The following TGFBR3 variants were observed in gnomAD, a reference collection of about 807,000 sequenced individuals.
The protein encoded by TGFBR3 is transforming growth factor beta receptor type 3.
A neutral mutation model predicts 87.9 loss-of-function variants in TGFBR3; 46 were observed. The observed-to-expected ratio is 0.52, with a 90% CI of 0.41 to 0.67. TGFBR3 has a LOEUF of 0.67. Ranked by LOEUF, TGFBR3 falls within the 30% of genes least tolerant of loss-of-function variation. The pLI, the probability that TGFBR3 is intolerant of heterozygous loss-of-function variation, is 0.00. For missense variants in TGFBR3, 866 were observed against 1,041.9 expected (o/e 0.83, Z 2.32); for synonymous variants, 381 against 391.6 (o/e 0.97, Z 0.32).
At chr1:91,869,645 C>T (rs1421009418) in intron 1 of TGFBR3, among the ~76,000 whole-genome samples, 1 of 152,186 alleles carries the variant, frequency 6.6e-6, no homozygotes, top group Non-Finnish European at 1.5e-5. Context: ...GCCTAGGCAA[C>T]AGAGCGAGAC....
At chr1:91,703,948 T>C (rs963792687) in intron 14 of TGFBR3, among the ~76,000 whole-genome samples, 4 of 152,330 alleles carry the variant, frequency 2.6e-5, no homozygotes, top group Non-Finnish European at 5.9e-5. Context: ...CAGACATTTT[T>C]CCTAAAATCC....
intron 1 of TGFBR3, among the ~76,000 whole-genome samples, chr1:91,868,567 A>G (rs999588576): frequency 3.3e-5 from 5 of 152,272 alleles, no homozygotes; most frequent in South Asian, 2.1e-4. Context: ...ATGATTCCCA[A>G]TTAGCTGCAG....
At chr1:91,887,454 G>A (rs992909095), upstream of TGFBR3, among the ~76,000 whole-genome samples, 3 of 151,536 alleles carry the variant, frequency 2.0e-5, no homozygotes, top group East Asian at 3.9e-4. Flanking sequence ...TTGGCAGGGC[G>A]GGGGTCTCAC....
chr1:91,781,181 A>G (rs535511487), intron 3 of TGFBR3, among the ~76,000 whole-genome samples: 16 of 152,312 alleles, frequency 1.1e-4, no homozygotes, highest in African/African-American at 3.9e-4. Context: ...GTTTGTTGCC[A>G]CATGTAATAA....
At chr1:91,877,341 G>T (rs1198310422) in intron 1 of TGFBR3, among the ~76,000 whole-genome samples, 1 of 151,874 alleles carries the variant, frequency 6.6e-6, no homozygotes, top group Non-Finnish European at 1.5e-5. Flanking sequence ...TGTGTGGTGG[G>T]GGTAGGGACA....
chr1:91,695,672 C>T lies in TGFBR3; in HGVS notation c.2437G>A (p.Gly813Arg). ...GALWYIYSHT[G>R]ETAGRQQVPT... ...ACTCTTACTCAACAGTCACACTAAC[C>T]TGTGTGAGAATAGATGTACCACAAG... The change falls in exon 16 of 17, where the codon GGG (glycine) becomes AGG (arginine). Residue 813 changes from glycine to arginine, a missense_variant and splice_region_variant. Gly to Arg is a moderately radical substitution (Grantham distance 125). Coordinates refer to ENST00000212355, the MANE Select transcript of TGFBR3 (RefSeq NM_003243.5). 6.2e-7 allele frequency: 1 copy of T among 1,609,740 alleles called. No individual in the cohort carries two copies. Among genetic ancestry groups the T allele is most frequent in the African/African-American group, 1.3e-5 (1 of 74,964 alleles).
In TGFBR3 at chr1:91,765,946, C is replaced by T. The variant is rs181864884; in HGVS notation, c.247-7196G>A. On this transcript the variant is annotated intron_variant, in intron 3 of 16. Transcript: ENST00000212355. ...TCCCTGTCACATTTAATAAATACAT[C>T]CATTCAGATCACTTTTTGTTTTTAA... 1.3e-4 allele frequency among the ~76,000 whole-genome samples: 20 copies of T among 152,182 alleles called. No homozygotes were observed. The East Asian group carries it at 3.9e-3, about 29-fold the overall frequency.
chr1:91,734,993 G>T, intron 4 of TGFBR3, 34 bp from the exon 5 acceptor site: 1 of 1,610,208 alleles, frequency 6.2e-7, no homozygotes, highest in African/African-American at 1.3e-5. Flanking sequence ...TTAACATGGT[G>T]CAGTCACCGG....
chr1:91,687,544 A>G (rs1390181333), intron 16 of TGFBR3, among the ~76,000 whole-genome samples: 1 of 152,176 alleles, frequency 6.6e-6, no homozygotes. Flanking sequence ...TGTGAATAGC[A>G]TGGGAGGACT....
chr1:91,681,759 T>C lies in TGFBR3; in HGVS notation c.*1980A>G. The C allele has an allele frequency of 2.3e-6, 1 of 442,632 alleles. No homozygotes were observed. The highest frequency in any genetic ancestry group is 1.6e-5 in the South Asian group (1 of 60,816). The allele number at this position is 442,632 out of a possible 1,614,324, so 27.4% of individuals were successfully genotyped here. A position where few individuals can be genotyped will look rare whatever the true frequency, so the allele number is the denominator to read the frequency against. ...ATAGCTATAAGTGACTTAAAGACTC[T>C]AGTCTTCTTTGAAGACATCTTTAAA... On this transcript the variant is annotated 3_prime_UTR_variant, in exon 17 of 17. Transcript: ENST00000212355.
intron 2 of TGFBR3, 127 bp downstream of exon 2, chr1:91,861,343 TA>T: frequency 1.3e-6 from 1 of 742,846 alleles, no homozygotes; most frequent in Non-Finnish European, 2.4e-6. Context: ...GAGCCTACAG[TA>T]AGCCATGATT....
chr1:91,850,920 C>G (rs935924491), intron 2 of TGFBR3, among the ~76,000 whole-genome samples: 1 of 152,002 alleles, frequency 6.6e-6, no homozygotes, highest in South Asian at 2.1e-4. Flanking sequence ...AGGTGTTACT[C>G]AGATGGCCCT....
chr1:91,891,670 A>T (rs1679454451), intron 2 of TGFBR3, among the ~76,000 whole-genome samples: 1 of 152,242 alleles, frequency 6.6e-6, no homozygotes, highest in South Asian at 2.1e-4. Context: ...ACTACTCTTA[A>T]GAATGTGTGA....
chr1:91,859,100 C>T (rs1269311453), intron 2 of TGFBR3, among the ~76,000 whole-genome samples: 4 of 151,946 alleles, frequency 2.6e-5, no homozygotes, highest in Non-Finnish European at 5.9e-5. Context: ...TCCCTTCCAC[C>T]TCAGCAAAGC....
rs143215936 is a variant in TGFBR3 at position 91,827,336 on chromosome 1, C to T, written c.62-29865G>A. Among the ~76,000 whole-genome samples the T allele has an allele frequency of 3.0e-3, 454 of 152,286 alleles. 3 individuals are homozygous for T. Among genetic ancestry groups the T allele is most frequent in the African/African-American group, 0.01 (419 of 41,542 alleles). ...ATGTGTCACTGACTTACTGACAAGA[C>T]AGTTAAACATAAAAGGGGTCCATTA... is the stretch of plus-strand genomic sequence containing the variant. On this transcript the variant is annotated intron_variant, in intron 2 of 16. Transcript: ENST00000212355.
In TGFBR3 at chr1:91,722,090, T is replaced by A; in HGVS notation, c.940A>T (p.Lys314Ter). Residue 314 changes from lysine to a stop codon, truncating the protein, a stop_gained, in exon 8 of 17, where the codon AAA (lysine) becomes TAA (stop). Transcript: ENST00000212355. LOFTEE classifies it high-confidence loss of function. ...KESERSMTMT[K>*]SIRDDIPSTQ... ...GAAGGAATGTCATCTCTTATTGATT[T>A]GGTCATTGTCATAGATCTTTCACTC... 6.2e-7 allele frequency: 1 copy of A among 1,614,004 alleles called. No individual in the cohort carries two copies. The highest frequency in any genetic ancestry group is 8.5e-7 in the Non-Finnish European group (1 of 1,179,944).
At chr1:91,737,805 G>A (rs917995250) in intron 4 of TGFBR3, among the ~76,000 whole-genome samples, 5 of 152,120 alleles carry the variant, frequency 3.3e-5, no homozygotes, top group Non-Finnish European at 4.4e-5. Context: ...TCTGAAAGAC[G>A]GTGTCGGGAC....
chr1:91,892,676 A>G lies in TGFBR3; in HGVS notation c.-114+6961T>C, dbSNP rs1232405131. Among the ~76,000 whole-genome samples the G allele has an allele frequency of 3.9e-5, 6 of 152,326 alleles. No individual in the cohort carries two copies. The East Asian group carries it at 1.2e-3, about 29-fold the overall frequency. Reference sequence around the variant, plus strand: ...TTGAACAGAAATTAGTGAGGGCACCATCTCATCCTCGGATCATCATCTTAT... The same window carrying G: ...TTGAACAGAAATTAGTGAGGGCACCGTCTCATCCTCGGATCATCATCTTAT... On this transcript the variant is annotated intron_variant, in intron 2 of 17. Coordinates refer to the TGFBR3 transcript ENST00000370399.
chr1:91,891,925 G>A (rs1431926493), intron 2 of TGFBR3, among the ~76,000 whole-genome samples: 1 of 152,098 alleles, frequency 6.6e-6, no homozygotes, highest in African/African-American at 2.4e-5. Context: ...GGTTTTCGCT[G>A]ATAAAATTGC....
Sources: gnomAD v4.1 joint callset for allele counts (sites outside exome capture counted in the v4.1 genomes callset) on GRCh38, gnomAD v4.1.1 for gene constraint, MANE v1.5 for transcripts, NCBI Gene and HGNC (gene_info 2026-07-23, HGNC 2026-07-21) for gene names.